ELP4: variants seen among roughly 807,000 people sequenced by gnomAD.
The protein encoded by ELP4 is elongator acetyltransferase complex subunit 4.
In ELP4, 51 loss-of-function variants were observed where a neutral mutation model predicts 48.9. The ratio of observed to expected loss-of-function variants is 1.04; its 90% CI spans 0.83 to 1.32. The LOEUF (loss-of-function observed/expected upper bound fraction) is 1.32, where lower values mean the gene tolerates loss of function less well. Among genes scored for constraint, ELP4 ranks in the 40% most tolerant of loss-of-function variants. The pLI, the probability that ELP4 is intolerant of heterozygous loss-of-function variation, is 0.00. For synonymous variants in ELP4, 210 were observed against 189.2 expected, an observed-to-expected ratio of 1.11 and a Z score of -0.90; for missense variants, 519 against 514.6, an observed-to-expected ratio of 1.01 and a Z score of -0.08.
chr11:31,515,998 T>C (rs1316376683), intron 1 of ELP4, among the ~76,000 whole-genome samples: 1 of 151,786 alleles, frequency 6.6e-6, no homozygotes, highest in Non-Finnish European at 1.5e-5. Flanking sequence ...GTAGTCCCAG[T>C]TACTTGGGAG....
intron 9 of ELP4, among the ~76,000 whole-genome samples, chr11:31,696,345 C>T (rs901956137): frequency 1.3e-5 from 2 of 152,132 alleles, no homozygotes; most frequent in Non-Finnish European, 2.9e-5. Context: ...TTAAATGTGT[C>T]CCAGAGATTC....
At chr11:31,546,449 T>C (rs990210020) in intron 3 of ELP4, among the ~76,000 whole-genome samples, 1 of 152,050 alleles carries the variant, frequency 6.6e-6, no homozygotes, top group African/African-American at 2.4e-5. Context: ...CCTAAATATA[T>C]ATGCACCCAA....
At position 31,603,808 on chromosome 11, in the gene ELP4, A is replaced by T. The variant is rs570234056; in HGVS notation, c.554A>T (p.Asp185Val). ...VSSSRFGHYYDASKRMPQELI... is the reference protein window; with the variant it reads ...VSSSRFGHYYVASKRMPQELI... ...TCTTCAAGATTTGGTCACTATTATG[A>T]TGCATCAAAAAGAATGCCACAAGAA... Residue 185 changes from aspartate (D) to valine (V), a missense_variant, in exon 5 of 10, where the codon GAT becomes GTT. Physicochemically the swap from Asp to Val is radical, Grantham distance 152. Transcript: ENST00000640961. 2.6e-4 allele frequency: 421 copies of T among 1,611,384 alleles called. 6 individuals are homozygous for T. The South Asian group carries it at 4.4e-3, about 17-fold the overall frequency.
rs1565172766 is a variant in ELP4 at position 31,788,266 on chromosome 11, C to T, written c.*4742C>T. ...GGCTTAAGCTGCCAATGACTGAAGG[C>T]CTTTAATTCCCACCGGCCAGTCACA... On this transcript the variant is annotated 3_prime_UTR_variant, in exon 10 of 10. Transcript: ENST00000640961. 4.4e-6 allele frequency: 1 copy of T among 225,852 alleles called. No individual in the cohort carries two copies. Among genetic ancestry groups the T allele is most frequent in the Non-Finnish European group, 8.8e-6 (1 of 113,454 alleles). The allele number at this position is 225,852 out of a possible 1,614,324, so 14.0% of individuals were successfully genotyped here. A position where few individuals can be genotyped will look rare whatever the true frequency, so the allele number is the denominator to read the frequency against.
intron 2 of ELP4, among the ~76,000 whole-genome samples, chr11:31,535,672 C>T (rs549021819): frequency 2.0e-5 from 3 of 152,236 alleles, no homozygotes; most frequent in East Asian, 1.9e-4. Flanking sequence ...TGACTTTTTA[C>T]GACTGTATAT....
chr11:31,611,518 G>A (rs1028251682), intron 5 of ELP4, among the ~76,000 whole-genome samples: 9 of 152,178 alleles, frequency 5.9e-5, no homozygotes, highest in Admixed American at 5.9e-4. Flanking sequence ...TCTCATTGAG[G>A]TTGGGGAAAG....
intron 3 of ELP4, among the ~76,000 whole-genome samples, chr11:31,565,099 G>A (rs12805215): frequency 0.26 from 40,038 of 152,006 alleles, 5,511 homozygotes; most frequent in South Asian, 0.34. Flanking sequence ...TCTCATTGTG[G>A]TTTTGATTTG....
At chr11:31,536,401 GA>G in intron 2 of ELP4, among the ~76,000 whole-genome samples, 1 of 152,146 alleles carries the variant, frequency 6.6e-6, no homozygotes, top group East Asian at 1.9e-4. Flanking sequence ...ACCCAGGCTG[GA>G]GTGCAGTGGC....
intron 3 of ELP4, among the ~76,000 whole-genome samples, chr11:31,587,186 T>C (rs369304272): frequency 1.3e-5 from 2 of 152,220 alleles, no homozygotes; most frequent in African/African-American, 4.8e-5. Flanking sequence ...AGTGCCTTCC[T>C]GACTGTTAAG....
At chr11:31,525,854 C>T (rs1042607638) in intron 2 of ELP4, among the ~76,000 whole-genome samples, 26 of 152,040 alleles carry the variant, frequency 1.7e-4, no homozygotes, top group Admixed American at 6.6e-4. Flanking sequence ...TATCTAAAAC[C>T]AAATTAAGAC....
chr11:31,694,731 G>T (rs1338578692), intron 9 of ELP4, among the ~76,000 whole-genome samples: 1 of 152,014 alleles, frequency 6.6e-6, no homozygotes, highest in East Asian at 1.9e-4. Context: ...GGATGGCATT[G>T]ACTATAAATT....
intron 9 of ELP4, among the ~76,000 whole-genome samples, chr11:31,738,115 G>T (rs1167555600): frequency 6.6e-6 from 1 of 151,328 alleles, no homozygotes; most frequent in Non-Finnish European, 1.5e-5. Flanking sequence ...AGGAAATCCA[G>T]CCAGGCACGG....
intron 4 of ELP4, among the ~76,000 whole-genome samples, chr11:31,596,782 A>T (rs1319740200): frequency 6.6e-6 from 1 of 152,210 alleles, no homozygotes; most frequent in Non-Finnish European, 1.5e-5. Flanking sequence ...AATAAGGACA[A>T]ATTTTCCTTA....
In ELP4 at chr11:31,786,035, A is replaced by G. The variant is rs1344300364; in HGVS notation, c.*2511A>G. ...ATGAGATAAATATTTTGACTACTGC[A>G]GTTTGCTCAGGTGCTCGGGTTCTAA... On this transcript the variant is annotated 3_prime_UTR_variant, in exon 10 of 10. Transcript: ENST00000640961. The G allele has an allele frequency of 4.9e-6, 1 of 204,786 alleles. No individual in the cohort carries two copies. Among genetic ancestry groups the G allele is most frequent in the Admixed American group, 5.9e-5 (1 of 16,836 alleles). 12.7% of individuals were successfully genotyped at this position (204,786 alleles called of 1,614,324 possible). A position where few individuals can be genotyped will look rare whatever the true frequency, so the allele number is the denominator to read the frequency against.
chr11:31,538,803 A>C (rs114362770), intron 2 of ELP4, among the ~76,000 whole-genome samples: 1 of 151,972 alleles, frequency 6.6e-6, no homozygotes, highest in Non-Finnish European at 1.5e-5. Flanking sequence ...ATCTTGTTCT[A>C]TTTTGGTATT....
intron 9 of ELP4, chr11:31,663,524 A>T (rs1429508302): frequency 6.6e-6 from 1 of 152,036 alleles, no homozygotes; most frequent in African/African-American, 2.4e-5. Context: ...AGGCATAAGG[A>T]TACATTTCTA....
chr11:31,765,856 G>A (rs931465140), intron 9 of ELP4, among the ~76,000 whole-genome samples: 1 of 151,778 alleles, frequency 6.6e-6, no homozygotes, highest in Non-Finnish European at 1.5e-5. Flanking sequence ...ACATGTAGTG[G>A]GCTTTTTGTT....
intron 9 of ELP4, among the ~76,000 whole-genome samples, chr11:31,725,803 C>T (rs1189472436): frequency 1.3e-5 from 2 of 152,132 alleles, no homozygotes; most frequent in African/African-American, 4.8e-5. Context: ...ATTGCTGAAG[C>T]CTCACTTTGG....
intron 9 of ELP4, among the ~76,000 whole-genome samples, chr11:31,678,929 G>T (rs1216479981): frequency 6.6e-6 from 1 of 152,130 alleles, no homozygotes; most frequent in East Asian, 1.9e-4. Context: ...GGTGTTATCA[G>T]TGTTTTTGGA....
Sources: allele counts gnomAD v4.1 joint callset (sites outside exome capture counted in the v4.1 genomes callset), GRCh38; gene constraint gnomAD v4.1.1; transcripts MANE v1.5; gene names NCBI Gene and HGNC (gene_info 2026-07-23, HGNC 2026-07-21).